KLHL1: variants seen among roughly 807,000 people sequenced by gnomAD.
The protein encoded by KLHL1 is kelch-like protein 1.
In KLHL1, 47 loss-of-function variants were observed where a neutral mutation model predicts 77.7. That is an observed-to-expected ratio of 0.60 (90% CI 0.48 to 0.77). The LOEUF is 0.77. Ranked by LOEUF, KLHL1 falls within the 30% of genes least tolerant of loss-of-function variation. KLHL1 has a pLI of 0.00. For synonymous variants in KLHL1, 360 were observed against 325.2 expected, an observed-to-expected ratio of 1.11 and a Z score of -1.15; for missense variants, 925 against 910.8, an observed-to-expected ratio of 1.02 and a Z score of -0.20.
intron 9 of KLHL1, among the ~76,000 whole-genome samples, chr13:69,717,715 G>T (rs58336790): frequency 1.3e-5 from 2 of 151,976 alleles, no homozygotes; most frequent in Admixed American, 6.6e-5. Context: ...GTTTACTCAA[G>T]AATTTAGCAG....
intron 4 of KLHL1, among the ~76,000 whole-genome samples, chr13:69,901,444 G>C (rs896066318): frequency 1.3e-5 from 2 of 152,176 alleles, no homozygotes; most frequent in African/African-American, 4.8e-5. Flanking sequence ...TGAAGGAAGA[G>C]TTGCAGACAA....
intron 6 of KLHL1, among the ~76,000 whole-genome samples, chr13:69,806,865 C>G (rs865962249): frequency 6.6e-6 from 1 of 152,118 alleles, no homozygotes; most frequent in Admixed American, 6.5e-5. Context: ...CAAGGAGGAA[C>G]AGGGGAGAAT....
chr13:69,951,330 A>G (rs1236017803), intron 3 of KLHL1, among the ~76,000 whole-genome samples: 1 of 151,384 alleles, frequency 6.6e-6, no homozygotes, highest in Admixed American at 6.6e-5. Context: ...TTTCCTTTAT[A>G]TTCTACATCA....
chr13:69,867,204 A>C (rs959448169), intron 5 of KLHL1, among the ~76,000 whole-genome samples: 1 of 152,130 alleles, frequency 6.6e-6, no homozygotes, highest in Admixed American at 6.6e-5. Context: ...TTATATTATA[A>C]AGTATTTTAA....
At chr13:69,816,523 C>T (rs1373911546) in intron 6 of KLHL1, among the ~76,000 whole-genome samples, 1 of 151,966 alleles carries the variant, frequency 6.6e-6, no homozygotes, top group East Asian at 1.9e-4. Flanking sequence ...CCTAGGCCTC[C>T]TAAAGTGCTG....
rs1451801416 is a variant in KLHL1 at position 69,701,364 on chromosome 13, CTA to C, written c.*336_*337del. Reference sequence around the variant, plus strand: ...GATTGAATGAGTTGTGGTCATGAAACTATCCATGTCACAAATATTGGTCTCTC... The same window carrying C: ...GATTGAATGAGTTGTGGTCATGAAACTCCATGTCACAAATATTGGTCTCTC... On this transcript the variant is annotated 3_prime_UTR_variant, in exon 11 of 11. Transcript: ENST00000377844. 1 of 199,510 alleles carries C rather than the reference CTA, an allele frequency of 5.0e-6. No individual in the cohort carries two copies. 12.4% of individuals were successfully genotyped at this position (199,510 alleles called of 1,614,324 possible). A position where few individuals can be genotyped will look rare whatever the true frequency, so the allele number is the denominator to read the frequency against.
At chr13:69,701,954 T>G (rs551993146) in intron 10 of KLHL1, among the ~76,000 whole-genome samples, 193 bp from the exon 11 acceptor site, 13 of 151,820 alleles carry the variant, frequency 8.6e-5, no homozygotes, top group African/African-American at 3.1e-4. Flanking sequence ...ATATTGAAAA[T>G]TTTTAGGCCT....
rs556389912 is a variant in KLHL1 at position 70,107,872 on chromosome 13, CG to C, written c.-174del. Reference sequence around the variant, plus strand: ...GCGCTCTGCCAGGCGAAGGCTGGAGCGCAGACGGCAAAGCCGCGCGTTTCAG... The same window carrying C: ...GCGCTCTGCCAGGCGAAGGCTGGAGCCAGACGGCAAAGCCGCGCGTTTCAG... On this transcript the variant is annotated 5_prime_UTR_variant, in exon 1 of 11. Transcript: ENST00000377844. The C allele has an allele frequency of 4.6e-4, 256 of 560,868 alleles. No individual in the cohort carries two copies. Among genetic ancestry groups the C allele is most frequent in the African/African-American group, 4.3e-3 (226 of 52,986 alleles). 34.7% of individuals were successfully genotyped at this position (560,868 alleles called of 1,614,324 possible).
At chr13:69,915,875 A>G (rs1467501442) in intron 4 of KLHL1, among the ~76,000 whole-genome samples, 3 of 152,104 alleles carry the variant, frequency 2.0e-5, no homozygotes, top group Non-Finnish European at 4.4e-5. Context: ...AGAATCTACA[A>G]TGAACTCAAA....
intron 9 of KLHL1, among the ~76,000 whole-genome samples, chr13:69,710,798 G>GTTTT (rs1416724925): frequency 1.4e-5 from 2 of 145,686 alleles, no homozygotes; most frequent in African/African-American, 5.4e-5. Context: ...TAGTTGCCAG[G>GTTTT]TTTGTTTGTT....
chr13:69,745,174 T>A (rs1874153815), intron 7 of KLHL1, among the ~76,000 whole-genome samples: 1 of 152,138 alleles, frequency 6.6e-6, no homozygotes, highest in African/African-American at 2.4e-5. Flanking sequence ...TGGTATCCCA[T>A]CATTCTGTTA....
intron 7 of KLHL1, among the ~76,000 whole-genome samples, chr13:69,792,749 A>T (rs868475843): frequency 1.6e-4 from 24 of 152,290 alleles, no homozygotes; most frequent in African/African-American, 5.1e-4. Flanking sequence ...ATTGACTTTA[A>T]AACATTGTGC....
At chr13:69,932,720 A>G (rs927820105) in intron 4 of KLHL1, among the ~76,000 whole-genome samples, 5 of 151,804 alleles carry the variant, frequency 3.3e-5, no homozygotes, top group Non-Finnish European at 7.4e-5. Flanking sequence ...GCTATGTGTT[A>G]TATCTTAATG....
At chr13:70,004,375 C>T (rs1280567741) in intron 1 of KLHL1, among the ~76,000 whole-genome samples, 1 of 151,850 alleles carries the variant, frequency 6.6e-6, no homozygotes, top group Non-Finnish European at 1.5e-5. Context: ...CCATGAAATG[C>T]TAAGCGTCCA....
chr13:69,811,126 C>A (rs977369132), intron 6 of KLHL1, among the ~76,000 whole-genome samples: 2 of 152,010 alleles, frequency 1.3e-5, no homozygotes, highest in Non-Finnish European at 2.9e-5. Context: ...TTTTGGGAAA[C>A]CCATGTCATC....
intron 5 of KLHL1, among the ~76,000 whole-genome samples, chr13:69,864,377 A>G (rs1880289335): frequency 6.6e-6 from 1 of 151,998 alleles, no homozygotes; most frequent in Non-Finnish European, 1.5e-5. Flanking sequence ...ATTGATATAT[A>G]TGTACATGAA....
intron 1 of KLHL1, among the ~76,000 whole-genome samples, chr13:69,976,581 C>A (rs553903462): frequency 4.3e-4 from 66 of 152,020 alleles, no homozygotes; most frequent in African/African-American, 1.4e-3. Context: ...GCCCAGCAGA[C>A]CCAATCAAGT....
At chr13:69,720,008 G>T (rs1026149324) in intron 8 of KLHL1, among the ~76,000 whole-genome samples, 1 of 151,988 alleles carries the variant, frequency 6.6e-6, no homozygotes, top group Non-Finnish European at 1.5e-5. Context: ...TGTAACACAT[G>T]CCTGCACCTT....
At chr13:69,884,894 C>G (rs1467276868) in intron 4 of KLHL1, among the ~76,000 whole-genome samples, 3 of 149,774 alleles carry the variant, frequency 2.0e-5, no homozygotes, top group African/African-American at 7.4e-5. Context: ...TCAGACAGCT[C>G]TGATAATAGT....
Sources: gnomAD v4.1 joint callset for allele counts (sites outside exome capture counted in the v4.1 genomes callset) on GRCh38, gnomAD v4.1.1 for gene constraint, MANE v1.5 for transcripts, NCBI Gene and HGNC (gene_info 2026-07-23, HGNC 2026-07-21) for gene names.